MSI2: variants seen among roughly 807,000 people sequenced by gnomAD.
MSI2 encodes the protein RNA-binding protein Musashi homolog 2.
Under a neutral mutation model 45.6 loss-of-function variants are expected in MSI2, and 17 were observed. The ratio of observed to expected loss-of-function variants is 0.37; its 90% CI spans 0.26 to 0.56. MSI2 has a LOEUF of 0.56. Among genes scored for constraint, MSI2 ranks in the 20% least tolerant of loss-of-function variants. The pLI is 0.77. For synonymous variants in MSI2, 156 were observed against 158.2 expected (o/e 0.99, Z 0.11); for missense variants, 293 against 444.2 (o/e 0.66, Z 3.06).
At chr17:57,691,597 C>T in the MSI2 span, among the ~76,000 whole-genome samples, 15 of 152,112 alleles carry the variant, frequency 9.9e-5, no homozygotes, top group Non-Finnish European at 2.2e-4. Flanking sequence ...TCATGTTTTT[C>T]TGTGTGAGTT....
intron 5 of MSI2, among the ~76,000 whole-genome samples, chr17:57,322,555 C>T (rs1442915983): frequency 1.3e-5 from 2 of 151,894 alleles, no homozygotes; most frequent in African/African-American, 4.9e-5. Context: ...GAAATAAAAA[C>T]TCCCCAAGGA....
intron 7 of MSI2, among the ~76,000 whole-genome samples, chr17:57,571,072 T>G (rs1330898481): frequency 6.6e-6 from 1 of 152,142 alleles, no homozygotes; most frequent in African/African-American, 2.4e-5. Flanking sequence ...GCCTTGTTGA[T>G]GTATTGGGTC....
At chr17:57,671,120 G>A (rs1912741720) in intron 11 of MSI2, among the ~76,000 whole-genome samples, 1 of 152,124 alleles carries the variant, frequency 6.6e-6, no homozygotes, top group African/African-American at 2.4e-5. Context: ...GAGTGAGGAT[G>A]AGGGGCAAAG....
intron 5 of MSI2, among the ~76,000 whole-genome samples, chr17:57,394,267 G>A (rs747519148): frequency 1.3e-5 from 2 of 152,150 alleles, no homozygotes; most frequent in Non-Finnish European, 2.9e-5. Flanking sequence ...GAATAGGAAG[G>A]GCAAGATTTG....
chr17:57,316,091 G>A (rs951025058), intron 5 of MSI2, among the ~76,000 whole-genome samples: 6 of 151,974 alleles, frequency 3.9e-5, no homozygotes, highest in African/African-American at 1.4e-4. Flanking sequence ...GAGTACACCT[G>A]GTCTTGTTAC....
intron 7 of MSI2, among the ~76,000 whole-genome samples, chr17:57,569,890 A>G (rs540644628): frequency 6.6e-6 from 1 of 152,324 alleles, no homozygotes; most frequent in East Asian, 1.9e-4. Flanking sequence ...AAGATGGTGT[A>G]GCAGGAGGCC....
chr17:57,583,488 C>CTTT (rs5821192), intron 7 of MSI2, among the ~76,000 whole-genome samples: 23 of 98,024 alleles, frequency 2.3e-4, no homozygotes, highest in African/African-American at 6.2e-4. Flanking sequence ...CCCAATGTTT[C>CTTT]TTTTTTTTTT....
chr17:57,491,122 T>A (rs2085863440), intron 6 of MSI2, among the ~76,000 whole-genome samples: 1 of 152,226 alleles, frequency 6.6e-6, no homozygotes, highest in African/African-American at 2.4e-5. Context: ...CCTTGAGACC[T>A]CAGGAGCGTT....
At chr17:57,580,240 G>T (rs2088164748) in intron 7 of MSI2, among the ~76,000 whole-genome samples, 1 of 152,148 alleles carries the variant, frequency 6.6e-6, no homozygotes, top group Admixed American at 6.5e-5. Flanking sequence ...AGTTTGCCTT[G>T]GTTCAGAACT....
chr17:57,281,810 C>T (rs1174696772), intron 5 of MSI2, among the ~76,000 whole-genome samples: 2 of 152,176 alleles, frequency 1.3e-5, no homozygotes, highest in South Asian at 2.1e-4. Context: ...TGACAACTGC[C>T]GAGGCTACCA....
intron 7 of MSI2, among the ~76,000 whole-genome samples, chr17:57,555,895 A>T (rs114217903): frequency 6.6e-6 from 1 of 152,114 alleles, no homozygotes; most frequent in South Asian, 2.1e-4. Flanking sequence ...TCCTCTCCCT[A>T]CAGCCAGGAC....
chr17:57,608,565 G>A (rs903679802), intron 8 of MSI2, among the ~76,000 whole-genome samples: 1 of 152,254 alleles, frequency 6.6e-6, no homozygotes, highest in Non-Finnish European at 1.5e-5. Context: ...AGCTTCCTGG[G>A]TGTAAGGCCT....
At chr17:57,347,304 T>A (rs1461567918) in intron 5 of MSI2, among the ~76,000 whole-genome samples, 1 of 152,220 alleles carries the variant, frequency 6.6e-6, no homozygotes, top group Non-Finnish European at 1.5e-5. Flanking sequence ...CAGTGTACCA[T>A]CTTATCAAGA....
chr17:57,674,403 A>C (rs991681731), intron 11 of MSI2, among the ~76,000 whole-genome samples: 1 of 152,084 alleles, frequency 6.6e-6, no homozygotes, highest in African/African-American at 2.4e-5. Context: ...CACACAAAAA[A>C]AGATCAAAAA....
At chr17:57,508,191 G>A (rs905266730) in intron 6 of MSI2, among the ~76,000 whole-genome samples, 6 of 152,126 alleles carry the variant, frequency 3.9e-5, no homozygotes, top group Admixed American at 3.3e-4. Flanking sequence ...CTTGCCTGTG[G>A]CCCGCTATTG....
At chr17:57,262,414 C>G (rs1275439952) in intron 5 of MSI2, 4 of 463,792 alleles carry the variant, frequency 8.6e-6, no homozygotes, top group Non-Finnish European at 1.5e-5. Flanking sequence ...AGGGACAAGT[C>G]TGATGCTTAG....
intron 6 of MSI2, among the ~76,000 whole-genome samples, chr17:57,512,968 C>CTTTTTTTTTTTTTTTTTTTTTTTTTTT (rs34727727): frequency 4.4e-5 from 5 of 114,718 alleles, no homozygotes; most frequent in Admixed American, 9.9e-5. Context: ...TAGCTTCTTC[C>CTTTTTTTTTTTTTTTTTTTTTTTTTTT]TTTTTTTTTT....
intron 5 of MSI2, among the ~76,000 whole-genome samples, chr17:57,290,687 T>C (rs1229806122): frequency 6.6e-6 from 1 of 152,232 alleles, no homozygotes; most frequent in African/African-American, 2.4e-5. Flanking sequence ...GACTTTACTA[T>C]GCAGAAAAAT....
intron 10 of MSI2, chr17:57,631,828 C>T: frequency 6.2e-7 from 1 of 1,613,690 alleles, no homozygotes; most frequent in Non-Finnish European, 8.5e-7. Flanking sequence ...TTTTTATCAA[C>T]TAGCTCTTAA....
Sources: allele counts gnomAD v4.1 joint callset (sites outside exome capture counted in the v4.1 genomes callset), GRCh38; gene constraint gnomAD v4.1.1; transcripts MANE v1.5; gene names NCBI Gene and HGNC (gene_info 2026-07-23, HGNC 2026-07-21).